Variants in SGCZ observed in about 807,000 individuals in gnomAD.
SGCZ encodes zeta-sarcoglycan.
Under a neutral mutation model 41.3 loss-of-function variants are expected in SGCZ, and 40 were observed. The ratio of observed to expected loss-of-function variants is 0.97; its 90% CI spans 0.75 to 1.26. SGCZ has a LOEUF of 1.26. SGCZ is among the 50% of genes most tolerant of loss of function. The pLI is 0.00. For missense variants in SGCZ, 552 were observed against 369.8 expected (o/e 1.49, Z -4.04); for synonymous variants, 206 against 137.5 (o/e 1.50, Z -3.49).
intron 1 of SGCZ, among the ~76,000 whole-genome samples, chr8:14,721,159 T>C (rs988136853): frequency 1.3e-5 from 2 of 152,194 alleles, no homozygotes; most frequent in African/African-American, 4.8e-5. Flanking sequence ...TTCTGAGTAC[T>C]CGAAAGTTCA....
intron 1 of SGCZ, among the ~76,000 whole-genome samples, chr8:14,695,126 G>A (rs1344305097): frequency 1.3e-5 from 2 of 151,992 alleles, no homozygotes; most frequent in African/African-American, 2.4e-5. Context: ...TCAAGAAAAG[G>A]AAGAGTCAAT....
chr8:14,759,775 C>A (rs572239827), intron 1 of SGCZ, among the ~76,000 whole-genome samples: 2 of 152,164 alleles, frequency 1.3e-5, no homozygotes, highest in East Asian at 1.9e-4. Context: ...AAGGACACCA[C>A]AATATTTAAA....
intron 1 of SGCZ, among the ~76,000 whole-genome samples, chr8:14,619,890 C>T (rs1042533205): frequency 2.0e-5 from 3 of 152,068 alleles, no homozygotes; most frequent in African/African-American, 7.2e-5. Context: ...GATTCAATGC[C>T]ATCCCATCAA....
chr8:14,494,580 A>G (rs1157360543), intron 2 of SGCZ, among the ~76,000 whole-genome samples: 6 of 152,112 alleles, frequency 3.9e-5, no homozygotes, highest in Admixed American at 1.3e-4. Context: ...TCAATGTTTA[A>G]TCATTCATGA....
At chr8:15,156,151 T>A (rs58223861) in intron 1 of SGCZ, among the ~76,000 whole-genome samples, 2,159 of 152,156 alleles carry the variant, frequency 0.014, 43 homozygotes, top group African/African-American at 0.049. Context: ...TAGGTAACTT[T>A]CATTTTTTTC....
intron 1 of SGCZ, among the ~76,000 whole-genome samples, chr8:14,563,194 T>G (rs1804259777): frequency 6.6e-6 from 1 of 152,154 alleles, no homozygotes; most frequent in Admixed American, 6.5e-5. Flanking sequence ...TCTGTGTGGA[T>G]TTCAGTGTCT....
intron 4 of SGCZ, among the ~76,000 whole-genome samples, chr8:14,202,718 A>C (rs750462081): frequency 2.6e-5 from 4 of 152,122 alleles, no homozygotes; most frequent in African/African-American, 4.8e-5. Flanking sequence ...GTTAAATTGA[A>C]TTCTTTTTTG....
intron 1 of SGCZ, among the ~76,000 whole-genome samples, chr8:14,828,178 A>T (rs1426863458): frequency 6.6e-6 from 1 of 152,218 alleles, no homozygotes; most frequent in Non-Finnish European, 1.5e-5. Context: ...ATCTTTACAA[A>T]AAGTTTATGG....
chr8:14,901,798 G>T (rs545479847), intron 1 of SGCZ, among the ~76,000 whole-genome samples: 18 of 152,170 alleles, frequency 1.2e-4, no homozygotes, highest in Non-Finnish European at 1.3e-4. Context: ...ATCTATTTTT[G>T]TATGTTTCAT....
At chr8:15,143,211 C>T (rs1798943578) in intron 1 of SGCZ, among the ~76,000 whole-genome samples, 1 of 152,220 alleles carries the variant, frequency 6.6e-6, no homozygotes, top group African/African-American at 2.4e-5. Context: ...CTGCTACAAA[C>T]ATAATAAAAG....
rs772476049 is a variant in SGCZ at position 14,088,843 on chromosome 8, C to T, written c.*1600G>A. On this transcript the variant is annotated 3_prime_UTR_variant, in exon 8 of 8. Transcript: ENST00000382080. ...CTTTCACTAACCACATCTTTTGCAA[C>T]AAGTTCTAATCTCCCAGTTCACTCT... Among the ~76,000 whole-genome samples the T allele has an allele frequency of 6.6e-6, 1 of 151,874 alleles. No individual in the cohort carries two copies. Among genetic ancestry groups the T allele is most frequent in the African/African-American group, 2.4e-5 (1 of 41,414 alleles).
At chr8:14,711,270 A>AC (rs1480993170) in intron 1 of SGCZ, among the ~76,000 whole-genome samples, 8 of 152,038 alleles carry the variant, frequency 5.3e-5, no homozygotes, top group African/African-American at 1.9e-4. Context: ...ACTAATTTCA[A>AC]CACAAACTTT....
chr8:15,233,550 G>T (rs1348136261), intron 1 of SGCZ, among the ~76,000 whole-genome samples: 1 of 151,826 alleles, frequency 6.6e-6, no homozygotes, highest in African/African-American at 2.4e-5. Flanking sequence ...TTTAGGGAAG[G>T]TTTTTCCTCA....
chr8:14,766,575 T>G (rs942804803), intron 1 of SGCZ, among the ~76,000 whole-genome samples: 16 of 151,982 alleles, frequency 1.1e-4, no homozygotes, highest in African/African-American at 3.9e-4. Flanking sequence ...ATATTTTTTC[T>G]TCTTTAGACA....
chr8:14,093,997 A>C lies in SGCZ; in HGVS notation c.745-3360T>G, dbSNP rs144945874. Among the ~76,000 whole-genome samples, 1,455 of 152,188 alleles carry C rather than the reference A, an allele frequency of 9.6e-3. 10 individuals are homozygous for C. The highest frequency in any genetic ancestry group is 0.016 in the Non-Finnish European group (1,073 of 68,000). On this transcript the variant is annotated intron_variant, in intron 7 of 7. Coordinates refer to ENST00000382080, the MANE Select transcript of SGCZ (RefSeq NM_139167.4). ...AATAGGGCATGGAATTGTGAAGTGC[A>C]TGAATTACATGATGCCTTTTCTTCA...
At chr8:14,761,382 CTT>C (rs1408582375) in intron 1 of SGCZ, among the ~76,000 whole-genome samples, 1 of 151,880 alleles carries the variant, frequency 6.6e-6, no homozygotes, top group Non-Finnish European at 1.5e-5. Context: ...AGAAAACAAA[CTT>C]TATTTTCTTG....
chr8:14,800,154 C>T (rs1404190496), intron 1 of SGCZ, among the ~76,000 whole-genome samples: 1 of 106,192 alleles, frequency 9.4e-6, no homozygotes, highest in Non-Finnish European at 2.0e-5. Flanking sequence ...GTATATTTTG[C>T]CTCCTTTTTT....
At chr8:14,316,646 G>T (rs1368725865) in intron 3 of SGCZ, among the ~76,000 whole-genome samples, 1 of 151,840 alleles carries the variant, frequency 6.6e-6, no homozygotes, top group Non-Finnish European at 1.5e-5. Flanking sequence ...TATTATTTTG[G>T]TTTTTTGACC....
At chr8:14,564,528 G>C (rs1431346375) in intron 1 of SGCZ, among the ~76,000 whole-genome samples, 3 of 152,002 alleles carry the variant, frequency 2.0e-5, no homozygotes, top group Admixed American at 6.6e-5. Flanking sequence ...ATATATAAAG[G>C]CAATCTGGGA....
Sources: gnomAD v4.1 joint callset for allele counts (sites outside exome capture counted in the v4.1 genomes callset) on GRCh38, gnomAD v4.1.1 for gene constraint, MANE v1.5 for transcripts, NCBI Gene and HGNC (gene_info 2026-07-23, HGNC 2026-07-21) for gene names.